MANF: variants seen among roughly 807,000 people sequenced by gnomAD.
MANF encodes mesencephalic astrocyte-derived neurotrophic factor.
MANF carries 9 observed loss-of-function variants against 19.1 expected under a neutral mutation model. The observed-to-expected ratio is 0.47, with a 90% CI of 0.28 to 0.82. The LOEUF is 0.82. Ranked by LOEUF, MANF falls within the 40% of genes least tolerant of loss-of-function variation. The pLI, the probability that MANF is intolerant of heterozygous loss-of-function variation, is 0.10. For synonymous variants in MANF, 89 were observed against 88.0 expected (o/e 1.01, Z -0.06); for missense variants, 225 against 226.7 (o/e 0.99, Z 0.05).
intron 2 of MANF, chr3:51,387,160 A>G (rs2088970681): frequency 3.1e-6 from 1 of 322,482 alleles, no homozygotes; most frequent in Non-Finnish European, 6.2e-6. Flanking sequence ...CTGTCTGCAC[A>G]AAAAAATTTT....
At chr3:51,388,589 T>C (rs1553621114) in intron 3 of MANF, among the ~76,000 whole-genome samples, 1 of 152,226 alleles carries the variant, frequency 6.6e-6, no homozygotes, top group Non-Finnish European at 1.5e-5. Flanking sequence ...TGTTAGTATG[T>C]GGTGACTATG....
In MANF at chr3:51,386,286, A is replaced by G. The variant is rs781878256; in HGVS notation, c.173A>G (p.Asn58Ser). The G allele has an allele frequency of 1.2e-6, 2 of 1,613,940 alleles. No individual in the cohort carries two copies. The highest frequency in any genetic ancestry group is 1.7e-6 in the Non-Finnish European group (2 of 1,179,864). Reference sequence around the variant, plus strand: ...ACATTCTCACCAGCCACTATTGAAAACGAACTTATAAAGTTCTGCCGGGAA... The same window carrying G: ...ACATTCTCACCAGCCACTATTGAAAGCGAACTTATAAAGTTCTGCCGGGAA... ...DVTFSPATIENELIKFCREAR... is the reference protein window; with the variant it reads ...DVTFSPATIESELIKFCREAR... Residue 58 changes from asparagine to serine, a missense_variant, in exon 2 of 4, where the codon AAC (asparagine) becomes AGC (serine). Asn to Ser is a conservative substitution (Grantham distance 46). Transcript: ENST00000528157.
In MANF at chr3:51,386,044, G is replaced by A. The variant is rs1332499294; in HGVS notation, c.95-164G>A. 7.3e-6 allele frequency: 5 copies of A among 689,094 alleles called. No individual in the cohort carries two copies. In the Admixed American group the frequency reaches 1.4e-4, roughly 20 times the overall value. 42.7% of individuals were successfully genotyped at this position (689,094 alleles called of 1,614,324 possible). A position where few individuals can be genotyped will look rare whatever the true frequency, so the allele number is the denominator to read the frequency against. On this transcript the variant is annotated intron_variant, in intron 1 of 3. Coordinates refer to ENST00000528157, the MANE Select transcript of MANF (RefSeq NM_006010.6). ...CAGGGGACCCCCGCCACTTGGAACC[G>A]GGTTCTGTCTACCTGTAGACACCTG... is the stretch of plus-strand genomic sequence containing the variant.
chr3:51,385,938 C>T (rs908848172), intron 1 of MANF: 3 of 436,038 alleles, frequency 6.9e-6, no homozygotes, highest in Non-Finnish European at 1.2e-5. Flanking sequence ...TCACCATGGG[C>T]TTAAACTTGA....
At chr3:51,386,859 T>G (rs1553620960) in intron 2 of MANF, 1 of 456,794 alleles carries the variant, frequency 2.2e-6, no homozygotes, top group South Asian at 1.5e-5. Flanking sequence ...AGCAATGGGT[T>G]TTCTAACTTG....
chr3:51,385,503 A>C, intron 1 of MANF, 67 bp downstream of exon 1: 3 of 460,450 alleles, frequency 6.5e-6, no homozygotes, highest in Non-Finnish European at 5.7e-6. Flanking sequence ...ACCCCACAAC[A>C]TCACCAGACG....
Position 51,389,269 on chromosome 3 carries a change from T to G in MANF, c.*180T>G, listed in dbSNP as rs2088997574. ...ACCCCCATGAGGGGATTCCCTTCCT[T>G]CTGTTGCTGGTGTACTCTAGGACTT... is the stretch of plus-strand genomic sequence containing the variant. On this transcript the variant is annotated 3_prime_UTR_variant, in exon 4 of 4. Transcript: ENST00000528157. 1.8e-6 allele frequency: 1 copy of G among 563,864 alleles called. No homozygotes were observed. The highest frequency in any genetic ancestry group is 3.0e-6 in the Non-Finnish European group (1 of 330,056). 34.9% of individuals were successfully genotyped at this position (563,864 alleles called of 1,614,324 possible).
intron 1 of MANF, chr3:51,385,683 G>T: frequency 5.5e-6 from 2 of 362,084 alleles, no homozygotes; most frequent in Non-Finnish European, 9.9e-6. Flanking sequence ...AACTTGTCCT[G>T]AAATCTCCAT....
chr3:51,386,759 G>A (rs1326062379), intron 2 of MANF: 22 of 417,912 alleles, frequency 5.3e-5, no homozygotes, highest in Non-Finnish European at 9.6e-5. Flanking sequence ...CCAGAGGCCT[G>A]AAAGAGTGTG....
rs1553621048 is a variant in MANF at position 51,387,736 on chromosome 3, G to A, written c.223-1G>A. 1 of 1,610,790 alleles carries A rather than the reference G, an allele frequency of 6.2e-7. No homozygotes were observed. Among genetic ancestry groups the A allele is most frequent in the Admixed American group, 1.7e-5 (1 of 59,622 alleles). On this transcript the variant is annotated splice_acceptor_variant, in intron 2 of 3. Transcript: ENST00000528157. LOFTEE classifies it high-confidence loss of function. Reference sequence around the variant, plus strand: ...AAGGCCATTGTCCTTTATTGCTCCAGTGCTACTATATCGGGGCCACAGATG... The same window carrying A: ...AAGGCCATTGTCCTTTATTGCTCCAATGCTACTATATCGGGGCCACAGATG...
chr3:51,386,121 C>G (rs1301997698), intron 1 of MANF, 87 bp from the exon 2 acceptor site: 1 of 1,395,644 alleles, frequency 7.2e-7, no homozygotes, highest in Admixed American at 1.9e-5. Context: ...CTCCGTGTCT[C>G]CTATTAAAAT....
intron 3 of MANF, 104 bp downstream of exon 3, chr3:51,387,982 T>C: frequency 8.6e-7 from 1 of 1,158,796 alleles, no homozygotes; most frequent in South Asian, 1.4e-5. Context: ...TGGGTTGTAT[T>C]GTATGACAGA....
intron 2 of MANF, chr3:51,387,101 T>C (rs2088970089): frequency 8.5e-6 from 3 of 354,104 alleles, no homozygotes; most frequent in East Asian, 7.6e-5. Flanking sequence ...GGTGGGAGGA[T>C]TGCTTGAACT....
chr3:51,387,571 G>A, intron 2 of MANF, 166 bp from the exon 3 acceptor site: 1 of 606,602 alleles, frequency 1.6e-6, no homozygotes, highest in Non-Finnish European at 2.9e-6. Flanking sequence ...GATTGAAGCT[G>A]CAGGGAGCCG....
chr3:51,386,097 C>A, intron 1 of MANF, 111 bp from the exon 2 acceptor site: 1 of 1,205,708 alleles, frequency 8.3e-7, no homozygotes, highest in Non-Finnish European at 1.2e-6. Flanking sequence ...AAAAGCTCAC[C>A]TCTAATGATT....
intron 2 of MANF, among the ~76,000 whole-genome samples, chr3:51,387,405 C>T (rs879989292): frequency 6.6e-5 from 10 of 151,690 alleles, no homozygotes; most frequent in East Asian, 3.9e-4. Flanking sequence ...TGCAGTGAGC[C>T]GAGCCAAGAT....
intron 1 of MANF, chr3:51,385,686 A>C: frequency 2.8e-6 from 1 of 354,286 alleles, no homozygotes; most frequent in Non-Finnish European, 5.1e-6. Flanking sequence ...TTGTCCTGAA[A>C]TCTCCATCAC....
chr3:51,386,570 G>A (rs1479359204), intron 2 of MANF, among the ~76,000 whole-genome samples: 1 of 152,202 alleles, frequency 6.6e-6, no homozygotes, highest in East Asian at 1.9e-4. Flanking sequence ...TATGTGCTAG[G>A]CACTGGGAAT....
rs2088976354 is a variant in MANF, at chr3:51,387,756, C to G, written c.242C>G (p.Thr81Arg). Residue 81 changes from threonine (T) to arginine (R), a missense_variant, in exon 3 of 4, where the codon ACA becomes AGA. Transcript: ENST00000528157. ...CTCCAGTGCTACTATATCGGGGCCA[C>G]AGATGATGCAGCCACCAAAATCATC... is the stretch of plus-strand genomic sequence containing the variant. ...ENRLCYYIGA[T>R]DDAATKIINE... 1 of 1,611,940 alleles carries G rather than the reference C, an allele frequency of 6.2e-7. No individual in the cohort carries two copies. Among genetic ancestry groups the G allele is most frequent in the Non-Finnish European group, 8.5e-7 (1 of 1,178,906 alleles).
Sources: gnomAD v4.1 joint callset for allele counts (sites outside exome capture counted in the v4.1 genomes callset) on GRCh38, gnomAD v4.1.1 for gene constraint, MANE v1.5 for transcripts, NCBI Gene and HGNC (gene_info 2026-07-23, HGNC 2026-07-21) for gene names.